CSPP1: variants seen among roughly 807,000 people sequenced by gnomAD.
CSPP1 encodes the protein centrosome and spindle pole-associated protein 1.
CSPP1 carries 126 observed loss-of-function variants against 164.4 expected under a neutral mutation model. The observed-to-expected ratio is 0.77, with a 90% CI of 0.66 to 0.89. CSPP1 has a LOEUF of 0.89. Ranked by LOEUF, CSPP1 falls within the 40% of genes least tolerant of loss-of-function variation. The probability of loss-of-function intolerance (pLI) is 0.00; values close to 1 mark genes in which losing one functional copy is unlikely to be tolerated. For missense variants in CSPP1, 1,395 were observed against 1,449.8 expected (o/e 0.96, Z 0.61); for synonymous variants, 472 against 476.7 (o/e 0.99, Z 0.13).
intron 28 of CSPP1, among the ~76,000 whole-genome samples, chr8:67,184,709 G>C (rs1833948379): frequency 6.7e-6 from 1 of 148,932 alleles, no homozygotes; most frequent in Admixed American, 6.6e-5. Context: ...GCATGACAGA[G>C]TGAGATTCTG....
At chr8:67,189,781 A>G (rs1835704558) in intron 28 of CSPP1, among the ~76,000 whole-genome samples, 2 of 152,176 alleles carry the variant, frequency 1.3e-5, no homozygotes, top group African/African-American at 4.8e-5. Flanking sequence ...TATATATAGA[A>G]ATTGGCAAAG....
chr8:67,114,118 A>T (rs1286993098), intron 11 of CSPP1: 3 of 286,610 alleles, frequency 1.0e-5, no homozygotes, highest in Non-Finnish European at 1.3e-5. Flanking sequence ...CACATGTACT[A>T]TTCCATGGGA....
rs752478502 is a variant in CSPP1 at position 67,159,124 on chromosome 8, G to A, written c.2525G>A (p.Gly842Glu). The A allele has an allele frequency of 1.4e-5, 22 of 1,597,250 alleles. No homozygotes were observed. Among genetic ancestry groups the A allele is most frequent in the Middle Eastern group, 1.7e-4 (1 of 5,968 alleles). The change falls in exon 21 of 31, where the codon GGG becomes GAG. Residue 842 changes from glycine to glutamate, a missense_variant. Gly to Glu is a moderately conservative substitution (Grantham distance 98). Coordinates refer to ENST00000678616, the MANE Select transcript of CSPP1 (RefSeq NM_001382391.1). The part of the protein sequence containing the change: ...QHYCERDNLI[G>E]EETKHMRQPS... ...TACTGTGAAAGAGACAATTTGATTG[G>A]GGAAGAAACAAAGGTAAGTTTCAGA...
At chr8:67,123,836 C>T (rs1010996435) in intron 15 of CSPP1, among the ~76,000 whole-genome samples, 7 of 151,154 alleles carry the variant, frequency 4.6e-5, no homozygotes, top group African/African-American at 1.7e-4. Context: ...TGGTCTCAAA[C>T]TTCTGGCTCA....
chr8:67,180,831 A>G (rs1832822485), intron 28 of CSPP1, among the ~76,000 whole-genome samples: 1 of 152,118 alleles, frequency 6.6e-6, no homozygotes, highest in Non-Finnish European at 1.5e-5. Context: ...TCTTCAGAAG[A>G]TAAGTAAAGG....
At chr8:67,158,719 A>AAT in intron 20 of CSPP1, 123 bp downstream of exon 20, 1 of 1,233,310 alleles carries the variant, frequency 8.1e-7, no homozygotes, top group Non-Finnish European at 1.1e-6. Flanking sequence ...ATATCAGATC[A>AAT]ATATACATTC....
chr8:67,096,804 G>T (rs1055349068), intron 7 of CSPP1, among the ~76,000 whole-genome samples: 3 of 152,152 alleles, frequency 2.0e-5, no homozygotes, highest in African/African-American at 7.2e-5. Flanking sequence ...GGCAGAGGTT[G>T]CAGTGAGCCG....
rs372836006 is a variant in CSPP1, at chr8:67,074,318, G to A, written c.66G>A (p.Glu22=). 2.1e-4 allele frequency: 343 copies of A among 1,609,514 alleles called. No individual in the cohort carries two copies. Among genetic ancestry groups the A allele is most frequent in the Non-Finnish European group, 2.7e-4 (313 of 1,177,420 alleles). Residue 22 remains glutamate, a synonymous_variant, in exon 2 of 31, where the codon GAG becomes GAA. Coordinates refer to ENST00000678616, the MANE Select transcript of CSPP1 (RefSeq NM_001382391.1). ...QKARLAEDKA[E]LESDPPYMEM... is the part of the protein sequence containing the mutation. The stretch of plus-strand genomic sequence containing the variant: ...CCAGATTGGCCGAAGACAAAGCAGA[G>A]TTGGAAAGTGATCCACCTTACATGG...
intron 11 of CSPP1, 169 bp downstream of exon 11, chr8:67,114,031 A>G (rs1817431217): frequency 2.1e-6 from 1 of 480,592 alleles, no homozygotes; most frequent in Non-Finnish European, 3.8e-6. Flanking sequence ...CTTAACTGTT[A>G]TTTCCTTGAG....
rs751458139 is a variant in CSPP1 at position 67,064,453 on chromosome 8, C to T, written c.-96C>T. On this transcript the variant is annotated 5_prime_UTR_variant, in exon 1 of 31. Coordinates refer to ENST00000678616, the MANE Select transcript of CSPP1 (RefSeq NM_001382391.1). ...AACCTCTTCGGTCCGCGACGATCCT[C>T]TAGAGCACTGTGTGTCTCCCCGGAC... 2.2e-5 allele frequency: 35 copies of T among 1,613,916 alleles called. No homozygotes were observed. Among genetic ancestry groups the T allele is most frequent in the Non-Finnish European group, 2.8e-5 (33 of 1,179,942 alleles).
intron 17 of CSPP1, among the ~76,000 whole-genome samples, chr8:67,142,501 AT>A (rs1172916947): frequency 1.3e-5 from 2 of 151,796 alleles, no homozygotes; most frequent in African/African-American, 4.8e-5. Context: ...TCAGTAGCTT[AT>A]TTTTTTTATT....
chr8:67,118,631 G>T, intron 14 of CSPP1, 112 bp from the exon 15 acceptor site: 1 of 783,036 alleles, frequency 1.3e-6, no homozygotes, highest in Non-Finnish European at 2.1e-6. Context: ...AATATTGATG[G>T]TTTTCTCTAT....
At chr8:67,128,321 C>T (rs1390181647) in intron 15 of CSPP1, among the ~76,000 whole-genome samples, 1 of 151,900 alleles carries the variant, frequency 6.6e-6, no homozygotes. Flanking sequence ...GGTGAATCAC[C>T]TGAGGTCAGG....
chr8:67,154,133 C>A lies in CSPP1; in HGVS notation c.2238C>A (p.Phe746Leu), dbSNP rs372716023. Residue 746 changes from phenylalanine to leucine, a missense_variant, in exon 19 of 31, where the codon TTC (phenylalanine) becomes TTA (leucine). Physicochemically the swap from Phe to Leu is conservative, Grantham distance 22 (BLOSUM62 0). Transcript: ENST00000678616. ...QQELYKNFLR[F>L]QIEEKKQREE... ...AATTATACAAGAATTTTCTTCGTTTCCAGGTGAAATGCTATTTGATCAGTT... is the reference window on the plus strand; with the variant it reads ...AATTATACAAGAATTTTCTTCGTTTACAGGTGAAATGCTATTTGATCAGTT... 1.1e-4 allele frequency: 160 copies of A among 1,426,322 alleles called. No individual in the cohort carries two copies. Among genetic ancestry groups the A allele is most frequent in the Middle Eastern group, 5.2e-4 (3 of 5,750 alleles). The allele number at this position is 1,426,322 out of a possible 1,614,324, so 88.4% of individuals were successfully genotyped here.
intron 11 of CSPP1, 169 bp from the exon 12 acceptor site, chr8:67,114,160 T>G (rs1195383060): frequency 4.6e-6 from 1 of 217,078 alleles, no homozygotes; most frequent in Non-Finnish European, 9.0e-6. Context: ...CAATTGATGT[T>G]AATATTTTTC....
At chr8:67,107,132 C>T (rs1815735244) in intron 9 of CSPP1, among the ~76,000 whole-genome samples, 1 of 151,920 alleles carries the variant, frequency 6.6e-6, no homozygotes, top group African/African-American at 2.4e-5. Context: ...ACTGCAACCT[C>T]CACCTCCTGG....
intron 15 of CSPP1, among the ~76,000 whole-genome samples, chr8:67,119,459 C>T (rs956640577): frequency 1.3e-5 from 2 of 152,148 alleles, no homozygotes; most frequent in African/African-American, 4.8e-5. Flanking sequence ...TTTTGAAGAA[C>T]TGCCATACTG....
At position 67,159,005 on chromosome 8, in the gene CSPP1, TGAA is replaced by T. The variant is rs773946059; in HGVS notation, c.2409_2411del (p.Glu804del). 7.9e-5 allele frequency: 127 copies of T among 1,598,910 alleles called. No homozygotes were observed. Among genetic ancestry groups the T allele is most frequent in the Non-Finnish European group, 1.0e-4 (121 of 1,174,814 alleles). Reference sequence around the variant, plus strand: ...TTATTTTAAAGCAAAGGCTAAAAAATGAAGAGCATATTCGGTTAGCTGAAGAAA... The same window carrying T: ...TTATTTTAAAGCAAAGGCTAAAAAATGAGCATATTCGGTTAGCTGAAGAAA... On this transcript the variant is annotated inframe_deletion, in exon 21 of 31. Coordinates refer to ENST00000678616, the MANE Select transcript of CSPP1 (RefSeq NM_001382391.1).
intron 28 of CSPP1, among the ~76,000 whole-genome samples, chr8:67,184,788 C>G (rs1834021797): frequency 7.0e-6 from 1 of 142,512 alleles, no homozygotes; most frequent in Non-Finnish European, 1.5e-5. Flanking sequence ...GGGCATATCA[C>G]TACAGGTCCC....
Sources: gnomAD v4.1 joint callset for allele counts (sites outside exome capture counted in the v4.1 genomes callset) on GRCh38, gnomAD v4.1.1 for gene constraint, MANE v1.5 for transcripts, NCBI Gene and HGNC (gene_info 2026-07-23, HGNC 2026-07-21) for gene names.